PLCB1: variants seen among roughly 807,000 people sequenced by gnomAD.
PLCB1 encodes 1-phosphatidylinositol 4,5-bisphosphate phosphodiesterase beta-1.
Under a neutral mutation model 161.8 loss-of-function variants are expected in PLCB1, and 46 were observed. The ratio of observed to expected loss-of-function variants is 0.28; its 90% CI spans 0.22 to 0.36. PLCB1 has a LOEUF of 0.36. Ranked by LOEUF, PLCB1 falls within the 10% of genes least tolerant of loss-of-function variation. The pLI is 1.00. For synonymous variants in PLCB1, 517 were observed against 503.7 expected (o/e 1.03, Z -0.35); for missense variants, 1,016 against 1,472.5 (o/e 0.69, Z 5.07).
intron 31 of PLCB1, among the ~76,000 whole-genome samples, chr20:8,796,596 G>A (rs1984037255): frequency 6.6e-6 from 1 of 152,092 alleles, no homozygotes; most frequent in Non-Finnish European, 1.5e-5. Context: ...TAACCACACA[G>A]TGGTTTGTTT....
intron 3 of PLCB1, among the ~76,000 whole-genome samples, chr20:8,563,150 T>A (rs1986197405): frequency 6.6e-6 from 1 of 152,022 alleles, no homozygotes; most frequent in Admixed American, 6.6e-5. Flanking sequence ...ATTGGAGTAG[T>A]CCTTGTGTGT....
At chr20:8,262,564 G>C (rs1057307191) in intron 2 of PLCB1, among the ~76,000 whole-genome samples, 4 of 152,148 alleles carry the variant, frequency 2.6e-5, no homozygotes, top group African/African-American at 9.7e-5. Context: ...TCAGTCACTG[G>C]AAGAGTCTAG....
chr20:8,790,897 C>A (rs986431247), intron 31 of PLCB1, among the ~76,000 whole-genome samples: 1 of 152,122 alleles, frequency 6.6e-6, no homozygotes, highest in African/African-American at 2.4e-5. Flanking sequence ...TTAGAACATT[C>A]CTTCCATTTT....
intron 11 of PLCB1, among the ~76,000 whole-genome samples, chr20:8,703,373 G>C (rs926728540): frequency 6.6e-6 from 1 of 152,200 alleles, no homozygotes; most frequent in African/African-American, 2.4e-5. Flanking sequence ...TAATGGTTGT[G>C]TGTTACATAG....
intron 9 of PLCB1, among the ~76,000 whole-genome samples, chr20:8,663,326 C>T (rs1480698518): frequency 6.6e-6 from 1 of 151,800 alleles, no homozygotes; most frequent in Non-Finnish European, 1.5e-5. Flanking sequence ...ATATACAAAC[C>T]TGACATATGC....
chr20:8,339,012 GTA>G (rs1304049152), intron 2 of PLCB1, among the ~76,000 whole-genome samples: 1 of 151,970 alleles, frequency 6.6e-6, no homozygotes, highest in Non-Finnish European at 1.5e-5. Context: ...GTGTTTCTTT[GTA>G]TGACTTTACC....
At chr20:8,134,302 A>G (rs2051322022) in intron 1 of PLCB1, among the ~76,000 whole-genome samples, 1 of 152,248 alleles carries the variant, frequency 6.6e-6, no homozygotes, top group Non-Finnish European at 1.5e-5. Context: ...AGGTGATGTG[A>G]TGATGGATTT....
At chr20:8,594,099 T>C (rs1987245070) in intron 3 of PLCB1, among the ~76,000 whole-genome samples, 1 of 152,052 alleles carries the variant, frequency 6.6e-6, no homozygotes, top group African/African-American at 2.4e-5. Flanking sequence ...CCCACGCTGG[T>C]CTTGAACACC....
chr20:8,426,421 G>A (rs1214353190), intron 3 of PLCB1, among the ~76,000 whole-genome samples: 7 of 152,194 alleles, frequency 4.6e-5, no homozygotes, highest in Non-Finnish European at 1.0e-4. Context: ...ACACACGTGC[G>A]TGCACCTGCT....
At chr20:8,294,723 A>G (rs1453899674) in intron 2 of PLCB1, among the ~76,000 whole-genome samples, 1 of 151,206 alleles carries the variant, frequency 6.6e-6, no homozygotes, top group East Asian at 2.0e-4. Flanking sequence ...TTAGAAAACA[A>G]TTTCACACAA....
chr20:8,547,453 CCTT>C (rs1433816348), intron 3 of PLCB1, among the ~76,000 whole-genome samples: 1 of 152,136 alleles, frequency 6.6e-6, no homozygotes, highest in Non-Finnish European at 1.5e-5. Flanking sequence ...AGCATCACCT[CCTT>C]AGTCTAAATA....
At chr20:8,651,692 G>A (rs991389787) in intron 7 of PLCB1, 2 of 502,924 alleles carry the variant, frequency 4.0e-6, no homozygotes, top group South Asian at 3.7e-5. Context: ...AGTCTTCTGG[G>A]GAAACTAGCC....
intron 27 of PLCB1, among the ~76,000 whole-genome samples, chr20:8,775,854 T>C (rs1217819991): frequency 1.3e-5 from 2 of 152,144 alleles, no homozygotes; most frequent in Non-Finnish European, 2.9e-5. Context: ...TGCTGCCCAA[T>C]ACCTAAATGT....
intron 4 of PLCB1, among the ~76,000 whole-genome samples, chr20:8,639,947 G>C (rs888410835): frequency 3.3e-5 from 5 of 150,872 alleles, no homozygotes; most frequent in African/African-American, 1.2e-4. Context: ...TTCACAGGCA[G>C]TGAGAATGGT....
At chr20:8,655,761 G>A (rs941135514) in intron 7 of PLCB1, among the ~76,000 whole-genome samples, 1 of 152,038 alleles carries the variant, frequency 6.6e-6, no homozygotes, top group Non-Finnish European at 1.5e-5. Flanking sequence ...GAGTTGGCCA[G>A]CAGTGCCATT....
chr20:8,476,382 G>T (rs1235299734), intron 3 of PLCB1, among the ~76,000 whole-genome samples: 1 of 152,164 alleles, frequency 6.6e-6, no homozygotes. Context: ...CAAAGCTGTT[G>T]ATCACCTTGA....
At chr20:8,684,811 C>A in intron 9 of PLCB1, 121 bp from the exon 10 acceptor site, 1 of 621,536 alleles carries the variant, frequency 1.6e-6, no homozygotes, top group South Asian at 2.4e-5. Context: ...CTTATTTATC[C>A]ATACTAAAAT....
chr20:8,441,735 T>G (rs1051976375), intron 3 of PLCB1, among the ~76,000 whole-genome samples: 75 of 152,138 alleles, frequency 4.9e-4, no homozygotes, highest in African/African-American at 1.7e-3. Context: ...TATGGGCAGA[T>G]AGAGGAGGGG....
intron 3 of PLCB1, among the ~76,000 whole-genome samples, chr20:8,455,052 G>T (rs1981239547): frequency 6.8e-6 from 1 of 146,696 alleles, no homozygotes; most frequent in Admixed American, 6.6e-5. Context: ...GTACTAGTTG[G>T]CCGGGCATGG....
Sources: allele counts gnomAD v4.1 joint callset (sites outside exome capture counted in the v4.1 genomes callset), GRCh38; gene constraint gnomAD v4.1.1; transcripts MANE v1.5; gene names NCBI Gene and HGNC (gene_info 2026-07-23, HGNC 2026-07-21).